The following ADGRL3 variants were observed in gnomAD, a reference collection of about 807,000 sequenced individuals.
ADGRL3 encodes the protein calcium-independent alpha-latrotoxin receptor 3.
ADGRL3 carries 62 observed loss-of-function variants against 153.5 expected under a neutral mutation model. That is an observed-to-expected ratio of 0.40 (90% confidence interval 0.33 to 0.50). ADGRL3 has a LOEUF of 0.50. Ranked by LOEUF, ADGRL3 falls within the 20% of genes least tolerant of loss-of-function variation. ADGRL3 has a pLI of 0.47. For missense variants in ADGRL3, 1,641 were observed against 1,859.4 expected (o/e 0.88, Z 2.16); for synonymous variants, 710 against 672.5 (o/e 1.06, Z -0.86).
At position 61,502,023 on chromosome 4, in the gene ADGRL3, A is replaced by T. The variant is rs533419463; in HGVS notation, c.55+4675A>T. 2.6e-5 allele frequency among the ~76,000 whole-genome samples: 4 copies of T among 152,330 alleles called. No individual in the cohort carries two copies. In the East Asian group the frequency reaches 7.7e-4, roughly 29 times the overall value. On this transcript the variant is annotated intron_variant, in intron 3 of 26. Transcript: ENST00000683033. Reference sequence around the variant, plus strand: ...AAGTAAAGAGGAGCAGCTGAAGCAGATGGCCAGTTCTTTGCTCTGTACTAC... The same window carrying T: ...AAGTAAAGAGGAGCAGCTGAAGCAGTTGGCCAGTTCTTTGCTCTGTACTAC...
intron 6 of ADGRL3, among the ~76,000 whole-genome samples, chr4:61,691,604 T>C (rs943910924): frequency 1.3e-5 from 2 of 152,158 alleles, no homozygotes; most frequent in African/African-American, 4.8e-5. Context: ...TAAAACAGTT[T>C]CCAGCACACA....
At chr4:61,260,746 G>C (rs2092444452) in intron 1 of ADGRL3, among the ~76,000 whole-genome samples, 1 of 151,598 alleles carries the variant, frequency 6.6e-6, no homozygotes, top group Non-Finnish European at 1.5e-5. Flanking sequence ...ATTTTTTTGA[G>C]ACAGGGACTC....
chr4:61,217,802 C>T (rs911500687), intron 1 of ADGRL3, among the ~76,000 whole-genome samples: 28 of 152,082 alleles, frequency 1.8e-4, no homozygotes, highest in Non-Finnish European at 3.8e-4. Flanking sequence ...TTTTCCCATC[C>T]CCATTGACTT....
chr4:61,479,680 G>T (rs145975026), intron 2 of ADGRL3, among the ~76,000 whole-genome samples: 2,071 of 152,162 alleles, frequency 0.014, 27 homozygotes, highest in Non-Finnish European at 0.021. Context: ...AGGAGTAAAA[G>T]AATGGTGTAA....
At chr4:61,898,946 C>T (rs2098647866) in intron 11 of ADGRL3, among the ~76,000 whole-genome samples, 1 of 152,040 alleles carries the variant, frequency 6.6e-6, no homozygotes, top group Non-Finnish European at 1.5e-5. Context: ...AATAGGCTTT[C>T]CACTTGGCAG....
At chr4:61,684,893 T>A (rs4533797) in intron 6 of ADGRL3, among the ~76,000 whole-genome samples, 1 of 151,978 alleles carries the variant, frequency 6.6e-6, no homozygotes. Context: ...TCTAGTAGAT[T>A]TAAAAGCACT....
chr4:61,913,587 T>G (rs2149863302), intron 13 of ADGRL3, among the ~76,000 whole-genome samples: 1 of 152,298 alleles, frequency 6.6e-6, no homozygotes, highest in South Asian at 2.1e-4. Context: ...AAAACAAAAC[T>G]TTATCAGTTA....
intron 25 of ADGRL3, among the ~76,000 whole-genome samples, chr4:62,060,979 A>G (rs955043213): frequency 6.6e-6 from 1 of 151,950 alleles, no homozygotes; most frequent in South Asian, 2.1e-4. Flanking sequence ...ATGCAATCAC[A>G]TGAGTTATTT....
chr4:61,226,085 G>T (rs1262612210), intron 1 of ADGRL3, among the ~76,000 whole-genome samples: 1 of 151,696 alleles, frequency 6.6e-6, no homozygotes, highest in East Asian at 1.9e-4. Flanking sequence ...TTCATCTTGG[G>T]TTACCTGAGT....
Position 61,202,754 on chromosome 4 carries a change from G to C in ADGRL3, c.-240+989G>C, listed in dbSNP as rs1735361689. Among the ~76,000 whole-genome samples the C allele has an allele frequency of 6.6e-6, 1 of 152,168 alleles. No individual in the cohort carries two copies. ...CCCAGCACTATAGGTGGGTGTGTGTGTGTCTGTGCGTGTGTGTGTGGTGTG... is the reference window on the plus strand; with the variant it reads ...CCCAGCACTATAGGTGGGTGTGTGTCTGTCTGTGCGTGTGTGTGTGGTGTG... On this transcript the variant is annotated intron_variant, in intron 1 of 26. Transcript: ENST00000683033. The surrounding 1 kb of genome is among the most constrained non-coding windows in gnomAD (Gnocchi z 5.0).
chr4:61,304,362 C>G (rs938826936), intron 1 of ADGRL3, among the ~76,000 whole-genome samples: 1 of 152,202 alleles, frequency 6.6e-6, no homozygotes, highest in Non-Finnish European at 1.5e-5. Context: ...CTTTCAGCCT[C>G]TTTGTTTATA....
chr4:61,824,383 G>C (rs948559368), intron 9 of ADGRL3, among the ~76,000 whole-genome samples: 1 of 152,094 alleles, frequency 6.6e-6, no homozygotes. Context: ...TTCTAATGAT[G>C]TATTACAAAT....
chr4:61,608,327 A>AT (rs1471215652), intron 5 of ADGRL3, among the ~76,000 whole-genome samples: 2 of 152,372 alleles, frequency 1.3e-5, no homozygotes, highest in African/African-American at 4.8e-5. Context: ...AGTTAACAGC[A>AT]TAAACACTGT....
intron 4 of ADGRL3, among the ~76,000 whole-genome samples, chr4:61,564,336 A>G (rs1238366076): frequency 6.6e-6 from 1 of 152,084 alleles, no homozygotes; most frequent in Non-Finnish European, 1.5e-5. Flanking sequence ...GTGCAGTGGC[A>G]TAATTACAGT....
At chr4:61,688,765 C>T in intron 6 of ADGRL3, among the ~76,000 whole-genome samples, 1 of 152,190 alleles carries the variant, frequency 6.6e-6, no homozygotes, top group East Asian at 1.9e-4. Context: ...ACAGACAAAA[C>T]CTTTGCCCTA....
At chr4:61,763,620 A>G (rs2152227481) in intron 8 of ADGRL3, among the ~76,000 whole-genome samples, 1 of 152,242 alleles carries the variant, frequency 6.6e-6, no homozygotes, top group South Asian at 2.1e-4. Flanking sequence ...ATACCCAAAT[A>G]TATTTAGTTT....
intron 8 of ADGRL3, chr4:61,775,402 TTGTGTG>T (rs61671331): frequency 5.2e-4 from 234 of 453,308 alleles, no homozygotes; most frequent in Admixed American, 1.4e-3. Flanking sequence ...TTTTCTTTCT[TTGTGTG>T]TGTGTGTGTG....
intron 20 of ADGRL3, 63 bp downstream of exon 20, chr4:61,996,420 T>C: frequency 9.0e-7 from 1 of 1,112,534 alleles, no homozygotes; most frequent in South Asian, 1.3e-5. Flanking sequence ...ACTATCCCAG[T>C]ACTGACTGTC....
At chr4:61,682,563 A>ATT (rs10685495) in intron 6 of ADGRL3, among the ~76,000 whole-genome samples, 44,789 of 135,732 alleles carry the variant, frequency 0.33, 8,469 homozygotes, top group Non-Finnish European at 0.44. Flanking sequence ...CTTTAAAAAA[A>ATT]TTTTTTTTTT....
Sources: gnomAD v4.1 joint callset for allele counts (sites outside exome capture counted in the v4.1 genomes callset) on GRCh38, gnomAD v4.1.1 for gene constraint, Gnocchi (gnomAD v3.1) non-coding constraint, MANE v1.5 for transcripts, NCBI Gene and HGNC (gene_info 2026-07-23, HGNC 2026-07-21) for gene names.